MYO1E: variants seen among roughly 807,000 people sequenced by gnomAD.
The protein encoded by MYO1E is unconventional myosin-Ie.
MYO1E carries 68 observed loss-of-function variants against 151.1 expected under a neutral mutation model. The observed-to-expected ratio is 0.45, with a 90% CI of 0.37 to 0.55. The LOEUF (loss-of-function observed/expected upper bound fraction) is 0.55. Among genes scored for constraint, MYO1E ranks in the 20% least tolerant of loss-of-function variants. The probability of loss-of-function intolerance (pLI) is 0.00; values close to 1 mark genes in which losing one functional copy is unlikely to be tolerated. For missense variants in MYO1E, 1,363 were observed against 1,389.3 expected, an observed-to-expected ratio of 0.98 and a Z score of 0.30; for synonymous variants, 601 against 501.7, an observed-to-expected ratio of 1.20 and a Z score of -2.64.
chr15:59,210,848 C>G (rs865949938), intron 12 of MYO1E, among the ~76,000 whole-genome samples: 1 of 152,054 alleles, frequency 6.6e-6, no homozygotes, highest in South Asian at 2.1e-4. Context: ...CCAAAGAAAA[C>G]TACAATTTAG....
At chr15:59,344,461 G>C (rs2080782870) in intron 1 of MYO1E, among the ~76,000 whole-genome samples, 1 of 152,226 alleles carries the variant, frequency 6.6e-6, no homozygotes, top group South Asian at 2.1e-4. Flanking sequence ...CTGCAGGTCT[G>C]ACCTGAAGCC....
intron 1 of MYO1E, among the ~76,000 whole-genome samples, chr15:59,370,765 G>C (rs2080939874): frequency 6.6e-6 from 1 of 152,212 alleles, no homozygotes; most frequent in South Asian, 2.1e-4. Flanking sequence ...TTAACTGAGG[G>C]GAAGTTAATT....
chr15:59,205,268 T>C lies in MYO1E; in HGVS notation c.1616+132A>G, dbSNP rs1479761053. On this transcript the variant is annotated intron_variant, in intron 15 of 27. Coordinates refer to ENST00000288235, the MANE Select transcript of MYO1E (RefSeq NM_004998.4). ...GCCTCAAACTCCTAGGATCAAGTGA[T>C]CCTCCTGCCTTAGCCTCCTGAGTAG... 4 of 901,830 alleles carry C rather than the reference T, an allele frequency of 4.4e-6. No individual in the cohort carries two copies. In the African/African-American group the frequency reaches 6.5e-5, roughly 15 times the overall value. The allele number at this position is 901,830 out of a possible 1,614,324, so 55.9% of individuals were successfully genotyped here.
Position 59,173,734 on chromosome 15 carries a change from G to C in MYO1E, c.2334+12C>G. 6.2e-7 allele frequency: 1 copy of C among 1,614,008 alleles called. No individual in the cohort carries two copies. Among genetic ancestry groups the C allele is most frequent in the Non-Finnish European group, 8.5e-7 (1 of 1,179,866 alleles). On this transcript the variant is annotated intron_variant, in intron 21 of 27. Coordinates refer to ENST00000288235, the MANE Select transcript of MYO1E (RefSeq NM_004998.4). The stretch of plus-strand genomic sequence containing the variant: ...TGTTTGGTGATCTCAGAGGCAGGCA[G>C]TTAGCACGTACCTTGAACCTCCTGT...
At chr15:59,326,674 CATG>C (rs1342687812) in intron 1 of MYO1E, among the ~76,000 whole-genome samples, 52 of 152,172 alleles carry the variant, frequency 3.4e-4, no homozygotes, top group African/African-American at 1.2e-3. Context: ...TTTACATTTT[CATG>C]ATTTTACCAT....
intron 1 of MYO1E, among the ~76,000 whole-genome samples, chr15:59,300,856 CCTTTTTTTT>C (rs2080477836): frequency 6.7e-6 from 1 of 148,574 alleles, no homozygotes; most frequent in East Asian, 1.9e-4. Context: ...TTCTTTTTTT[CCTTTTTTTT>C]CTTTTTTTTT....
chr15:59,306,001 A>C (rs2080512549), intron 1 of MYO1E, among the ~76,000 whole-genome samples: 1 of 152,208 alleles, frequency 6.6e-6, no homozygotes, highest in Non-Finnish European at 1.5e-5. Context: ...CCAGAATGTT[A>C]AGTGGGAGAG....
intron 25 of MYO1E, among the ~76,000 whole-genome samples, 161 bp downstream of exon 25, chr15:59,158,126 G>A (rs2079518860): frequency 6.6e-6 from 1 of 152,210 alleles, no homozygotes; most frequent in South Asian, 2.1e-4. Context: ...TGAATTTTGA[G>A]GTCTCAAGTA....
intron 27 of MYO1E, 54 bp from the exon 28 acceptor site, chr15:59,137,510 AG>A: frequency 7.1e-7 from 1 of 1,401,978 alleles, no homozygotes; most frequent in East Asian, 2.3e-5. Flanking sequence ...GTTCTGCCCC[AG>A]CCACACACAC....
intron 10 of MYO1E, among the ~76,000 whole-genome samples, chr15:59,217,519 C>CTTT (rs1164320277): frequency 0.062 from 3,302 of 53,000 alleles, 411 homozygotes; most frequent in African/African-American, 0.21. Flanking sequence ...GTCGTTTTAC[C>CTTT]TTTTTTTTTT....
At chr15:59,290,079 A>C (rs1365880633) in intron 1 of MYO1E, among the ~76,000 whole-genome samples, 2 of 152,194 alleles carry the variant, frequency 1.3e-5, no homozygotes, top group Non-Finnish European at 2.9e-5. Flanking sequence ...GTTTCAAAAG[A>C]ATTCTAGAAA....
chr15:59,313,427 C>A (rs185765282), intron 1 of MYO1E, among the ~76,000 whole-genome samples: 16 of 152,122 alleles, frequency 1.1e-4, no homozygotes, highest in Admixed American at 7.2e-4. Flanking sequence ...TCTGTACTAA[C>A]GATAAAGTGA....
At chr15:59,170,683 A>T (rs1291359653) in intron 22 of MYO1E, among the ~76,000 whole-genome samples, 1 of 152,090 alleles carries the variant, frequency 6.6e-6, no homozygotes, top group Admixed American at 6.5e-5. Context: ...ACTTTACCAC[A>T]TCCTGAGTTG....
chr15:59,218,178 T>C lies in MYO1E; in HGVS notation c.911-91A>G, dbSNP rs189096653. On this transcript the variant is annotated intron_variant, in intron 9 of 27. Transcript: ENST00000288235. ...ACATATGGAGGCACTTATGTGCACATGCACGTGTGTGTGCATAGAAGGCAC... is the reference window on the plus strand; with the variant it reads ...ACATATGGAGGCACTTATGTGCACACGCACGTGTGTGTGCATAGAAGGCAC... The C allele has an allele frequency of 4.2e-5, 60 of 1,444,556 alleles. No homozygotes were observed. The African/African-American group carries it at 5.9e-4, about 14-fold the overall frequency. 89.5% of individuals were successfully genotyped at this position (1,444,556 alleles called of 1,614,324 possible).
At chr15:59,227,433 G>C (rs1479550709) in intron 7 of MYO1E, 26 bp downstream of exon 7, 2 of 1,613,658 alleles carry the variant, frequency 1.2e-6, no homozygotes, top group Non-Finnish European at 8.5e-7. Context: ...ACAGGAAGTG[G>C]GTAGGAAAAA....
chr15:59,352,279 T>C (rs543809807), intron 1 of MYO1E, among the ~76,000 whole-genome samples: 1 of 152,306 alleles, frequency 6.6e-6, no homozygotes, highest in South Asian at 2.1e-4. Flanking sequence ...CTTGGGATAT[T>C]TGGCACGTCC....
At chr15:59,259,470 T>G (rs1409539297) in intron 3 of MYO1E, among the ~76,000 whole-genome samples, 1 of 152,172 alleles carries the variant, frequency 6.6e-6, no homozygotes, top group Non-Finnish European at 1.5e-5. Flanking sequence ...TTAGGTCAGG[T>G]TCTCACTTAG....
intron 15 of MYO1E, among the ~76,000 whole-genome samples, chr15:59,202,648 A>G (rs958841243): frequency 5.3e-5 from 8 of 152,232 alleles, no homozygotes; most frequent in African/African-American, 1.9e-4. Flanking sequence ...CTGCAAAATA[A>G]ATTTTAAAAC....
intron 1 of MYO1E, among the ~76,000 whole-genome samples, chr15:59,330,000 T>C (rs2080688676): frequency 6.6e-6 from 1 of 152,226 alleles, no homozygotes; most frequent in Admixed American, 6.5e-5. Context: ...TTATTAACGC[T>C]GATGCTTTAT....
Sources: allele counts gnomAD v4.1 joint callset (sites outside exome capture counted in the v4.1 genomes callset), GRCh38; gene constraint gnomAD v4.1.1; transcripts MANE v1.5; gene names NCBI Gene and HGNC (gene_info 2026-07-23, HGNC 2026-07-21).